CHRM2: variants seen among roughly 807,000 people sequenced by gnomAD.
CHRM2 encodes cholinergic receptor muscarinic 2.
In CHRM2, 8 loss-of-function variants were observed where a neutral mutation model predicts 25.0. The ratio of observed to expected loss-of-function variants is 0.32; its 90% CI spans 0.19 to 0.58. CHRM2 has a LOEUF of 0.58. Among genes scored for constraint, CHRM2 ranks in the 20% least tolerant of loss-of-function variants. The pLI, the probability that CHRM2 is intolerant of heterozygous loss-of-function variation, is 0.88. For missense variants in CHRM2, 440 were observed against 567.1 expected (o/e 0.78, Z 2.28); for synonymous variants, 202 against 205.7 (o/e 0.98, Z 0.15).
intron 3 of CHRM2, among the ~76,000 whole-genome samples, chr7:137,001,262 TAA>T (rs1243586502): frequency 6.6e-6 from 1 of 152,130 alleles, no homozygotes; most frequent in African/African-American, 2.4e-5. Flanking sequence ...AGCACTTGTT[TAA>T]AGAGGCCGGC....
chr7:136,953,741 AAAC>A (rs966918583), intron 2 of CHRM2, among the ~76,000 whole-genome samples: 13 of 152,198 alleles, frequency 8.5e-5, no homozygotes, highest in African/African-American at 2.4e-4. Context: ...TGAAAAAAAA[AAAC>A]AAATATATTT....
chr7:136,903,457 C>A (rs1797351230), intron 2 of CHRM2: 1 of 234,122 alleles, frequency 4.3e-6, no homozygotes, highest in Non-Finnish European at 8.6e-6. Context: ...GCTGGTGTCA[C>A]AATGTAAACT....
intron 2 of CHRM2, among the ~76,000 whole-genome samples, chr7:136,950,807 T>A (rs146691492): frequency 0.01 from 1,536 of 151,718 alleles, 24 homozygotes; most frequent in African/African-American, 0.033. Context: ...GTTGTTGTTG[T>A]TGTTGTTGTT....
chr7:136,922,104 T>C (rs774417118), intron 2 of CHRM2, among the ~76,000 whole-genome samples: 94 of 152,164 alleles, frequency 6.2e-4, no homozygotes, highest in Non-Finnish European at 1.2e-3. Flanking sequence ...AGTCATGCTC[T>C]CCAGCCTCAA....
chr7:136,978,618 C>T (rs1210111813), intron 2 of CHRM2, among the ~76,000 whole-genome samples: 1 of 152,128 alleles, frequency 6.6e-6, no homozygotes, highest in African/African-American at 2.4e-5. Flanking sequence ...CACCCCCCGA[C>T]AGGCCCCGGT....
intron 2 of CHRM2, among the ~76,000 whole-genome samples, chr7:136,898,586 G>A (rs1295499750): frequency 6.6e-6 from 1 of 151,892 alleles, no homozygotes; most frequent in East Asian, 1.9e-4. Flanking sequence ...CTGTGAGAGA[G>A]AATGACACTA....
At chr7:136,965,989 G>A (rs1801392380) in intron 2 of CHRM2, among the ~76,000 whole-genome samples, 1 of 151,924 alleles carries the variant, frequency 6.6e-6, no homozygotes, top group Admixed American at 6.6e-5. Flanking sequence ...CTTCCCTTTA[G>A]AATATGCTAT....
chr7:136,949,791 G>C (rs1007602129), intron 2 of CHRM2, among the ~76,000 whole-genome samples: 3 of 151,388 alleles, frequency 2.0e-5, no homozygotes, highest in African/African-American at 7.3e-5. Context: ...CCAGGCTGGA[G>C]TGCAGTGGCG....
At chr7:137,005,310 A>C (rs1804349021) in intron 3 of CHRM2, among the ~76,000 whole-genome samples, 1 of 152,132 alleles carries the variant, frequency 6.6e-6, no homozygotes, top group African/African-American at 2.4e-5. Flanking sequence ...TCCATAAGCA[A>C]TGCAGCCTTA....
In CHRM2 at chr7:137,017,613, C is replaced by T. The variant is rs1345387100; in HGVS notation, c.*1347C>T. ...AAACAATTACATATTCCATATTCCT[C>T]AAATTGTCAATTCTCCCTAACATTA... On this transcript the variant is annotated 3_prime_UTR_variant, in exon 4 of 4. Transcript: ENST00000680005. The T allele has an allele frequency of 2.0e-5, 3 of 151,968 alleles. No homozygotes were observed. Among genetic ancestry groups the T allele is most frequent in the African/African-American group, 7.2e-5 (3 of 41,422 alleles). 9.4% of individuals were successfully genotyped at this position (151,968 alleles called of 1,614,324 possible).
chr7:136,874,649 T>C (rs952320014), intron 2 of CHRM2, among the ~76,000 whole-genome samples: 1 of 144,790 alleles, frequency 6.9e-6, no homozygotes, highest in African/African-American at 2.5e-5. Context: ...TGGAAGCACA[T>C]TGGATTGGAT....
At chr7:136,957,244 T>C (rs766141874) in intron 2 of CHRM2, among the ~76,000 whole-genome samples, 1 of 128,826 alleles carries the variant, frequency 7.8e-6, no homozygotes, top group Non-Finnish European at 1.7e-5. Flanking sequence ...ATAACAGGTG[T>C]CATAGTGTAT....
intron 2 of CHRM2, among the ~76,000 whole-genome samples, chr7:136,920,428 C>T (rs1798364307): frequency 6.6e-6 from 1 of 152,106 alleles, no homozygotes; most frequent in Non-Finnish European, 1.5e-5. Flanking sequence ...ATACTGTGTT[C>T]ATCATCAGTG....
At chr7:136,963,681 G>A (rs1276195272) in intron 2 of CHRM2, among the ~76,000 whole-genome samples, 3 of 152,134 alleles carry the variant, frequency 2.0e-5, no homozygotes, top group Non-Finnish European at 2.9e-5. Context: ...CCAACCAGGG[G>A]TCTCAGTCCT....
intron 2 of CHRM2, among the ~76,000 whole-genome samples, chr7:136,933,800 A>G (rs1485694546): frequency 6.6e-6 from 1 of 152,200 alleles, no homozygotes; most frequent in Non-Finnish European, 1.5e-5. Flanking sequence ...AGGTGAAAGA[A>G]GTCCATCACA....
At chr7:136,910,694 T>C (rs1242710602) in intron 2 of CHRM2, among the ~76,000 whole-genome samples, 1 of 151,996 alleles carries the variant, frequency 6.6e-6, no homozygotes, top group Non-Finnish European at 1.5e-5. Context: ...AACTGAAATC[T>C]GGCTTTTTAA....
chr7:137,012,911 C>T lies in CHRM2; in HGVS notation c.-46-1909C>T, dbSNP rs553649494. On this transcript the variant is annotated intron_variant, in intron 3 of 3. Transcript: ENST00000680005. The stretch of plus-strand genomic sequence containing the variant: ...GTGGTGATTATCCCGCTAGTCCCAC[C>T]AAAAGTATTCAACACTACCATTAAT... Among the ~76,000 whole-genome samples, 123 of 151,962 alleles carry T rather than the reference C, an allele frequency of 8.1e-4. 1 individual carries two copies. Among genetic ancestry groups the T allele is most frequent in the African/African-American group, 2.8e-3 (117 of 41,502 alleles).
intron 2 of CHRM2, among the ~76,000 whole-genome samples, chr7:136,908,668 C>A (rs1463510606): frequency 5.3e-5 from 8 of 151,878 alleles, no homozygotes; most frequent in Non-Finnish European, 1.0e-4. Flanking sequence ...AGGTATTACT[C>A]CTCATTCAAA....
chr7:136,991,966 A>C (rs1352915439), intron 2 of CHRM2, among the ~76,000 whole-genome samples: 1 of 152,148 alleles, frequency 6.6e-6, no homozygotes, highest in African/African-American at 2.4e-5. Flanking sequence ...TCTCAGGCCT[A>C]AGTGAGATGC....
Sources: gnomAD v4.1 joint callset for allele counts (sites outside exome capture counted in the v4.1 genomes callset) on GRCh38, gnomAD v4.1.1 for gene constraint, MANE v1.5 for transcripts, NCBI Gene and HGNC (gene_info 2026-07-23, HGNC 2026-07-21) for gene names.